The following C7 variants were observed in gnomAD, a reference collection of about 807,000 sequenced individuals.
The protein encoded by C7 is complement component C7.
C7 carries 83 observed loss-of-function variants against 104.8 expected under a neutral mutation model. The observed-to-expected ratio is 0.79, with a 90% CI of 0.66 to 0.95. The LOEUF is 0.95. Among genes scored for constraint, C7 ranks in the 40% least tolerant of loss-of-function variants. C7 has a pLI of 0.00. For synonymous variants in C7, 415 were observed against 360.6 expected (o/e 1.15, Z -1.71); for missense variants, 1,070 against 1,011.2 (o/e 1.06, Z -0.79).
At chr5:40,955,004 C>A in intron 9 of C7, 1 of 226,336 alleles carries the variant, frequency 4.4e-6, no homozygotes, top group South Asian at 6.2e-5. Flanking sequence ...CCTGTATATC[C>A]CCTGCTCCCA....
intron 1 of C7, among the ~76,000 whole-genome samples, chr5:40,926,178 T>A (rs1289771092): frequency 6.6e-6 from 1 of 152,232 alleles, no homozygotes; most frequent in Admixed American, 6.5e-5. Context: ...TCTTGTTAGA[T>A]GCAGAAAAAC....
At chr5:40,972,130 C>T (rs1180151240) in intron 14 of C7, 1 of 523,002 alleles carries the variant, frequency 1.9e-6, no homozygotes, top group Non-Finnish European at 3.5e-6. Flanking sequence ...CATTAGGACT[C>T]TATTGGGGTT....
chr5:40,979,595 CCTT>C, intron 16 of C7, 127 bp from the exon 17 acceptor site: 1 of 619,170 alleles, frequency 1.6e-6, no homozygotes, highest in Non-Finnish European at 2.6e-6. Flanking sequence ...TGAGTTTCCA[CCTT>C]TTTTTTTTTT....
intron 1 of C7, among the ~76,000 whole-genome samples, chr5:40,919,556 G>A (rs1325437234): frequency 6.6e-6 from 1 of 152,108 alleles, no homozygotes; most frequent in Non-Finnish European, 1.5e-5. Flanking sequence ...AAGTCCAGGA[G>A]TTCAAGGCTG....
intron 9 of C7, among the ~76,000 whole-genome samples, chr5:40,955,170 A>G (rs1579861851): frequency 6.6e-6 from 1 of 152,366 alleles, no homozygotes; most frequent in Non-Finnish European, 1.5e-5. Flanking sequence ...TGACAAATGT[A>G]TAACGACATG....
intron 15 of C7, among the ~76,000 whole-genome samples, chr5:40,975,457 G>A (rs35648492): frequency 0.21 from 30,842 of 149,904 alleles, 3,820 homozygotes; most frequent in South Asian, 0.4. Context: ...TCCACCACCC[G>A]GGCTCAAGCA....
At chr5:40,909,676 A>T in intron 1 of C7, 60 bp downstream of exon 1, 1 of 1,281,932 alleles carries the variant, frequency 7.8e-7, no homozygotes, top group Non-Finnish European at 1.1e-6. Context: ...GAACGGGGGT[A>T]ATATAAATGT....
chr5:40,950,348 C>T (rs941584915), intron 9 of C7, among the ~76,000 whole-genome samples: 16 of 152,160 alleles, frequency 1.1e-4, no homozygotes, highest in Non-Finnish European at 2.1e-4. Flanking sequence ...ATAATGGCTT[C>T]CAGCTCCATC....
chr5:40,974,202 A>G (rs1344909525), intron 15 of C7, among the ~76,000 whole-genome samples: 1 of 152,076 alleles, frequency 6.6e-6, no homozygotes, highest in African/African-American at 2.4e-5. Context: ...TTAAACATTA[A>G]TTCCTCACTT....
intron 1 of C7, among the ~76,000 whole-genome samples, chr5:40,917,505 A>C (rs986832294): frequency 6.6e-6 from 1 of 151,940 alleles, no homozygotes; most frequent in Non-Finnish European, 1.5e-5. Flanking sequence ...TCTTTACCAC[A>C]TTTTCTTTAT....
intron 1 of C7, among the ~76,000 whole-genome samples, chr5:40,923,902 T>C (rs948315132): frequency 6.6e-6 from 1 of 151,134 alleles, no homozygotes; most frequent in African/African-American, 2.4e-5. Flanking sequence ...ACCTCCAACA[T>C]GGGGATTACA....
intron 6 of C7, among the ~76,000 whole-genome samples, chr5:40,944,883 TG>T (rs1740012647): frequency 2.0e-5 from 3 of 152,248 alleles, no homozygotes; most frequent in Non-Finnish European, 4.4e-5. Flanking sequence ...TCTCTGTCAG[TG>T]TAGCTTTTGT....
chr5:40,945,787 C>T (rs1740032896), intron 7 of C7, among the ~76,000 whole-genome samples: 1 of 150,084 alleles, frequency 6.7e-6, no homozygotes, highest in African/African-American at 2.4e-5. Context: ...TCACTTGAGC[C>T]TTGGAGGGAG....
chr5:40,923,098 T>G (rs985873772), intron 1 of C7, among the ~76,000 whole-genome samples: 2 of 152,192 alleles, frequency 1.3e-5, no homozygotes, highest in African/African-American at 4.8e-5. Context: ...AGAATCAAAA[T>G]GTAAAGGGAA....
In C7 at chr5:40,981,571, T is replaced by C. The variant is rs913224825; in HGVS notation, c.2530T>C (p.Ter844GlnextTer18). 1 of 1,604,626 alleles carries C rather than the reference T, an allele frequency of 6.2e-7. No individual in the cohort carries two copies. The highest frequency in any genetic ancestry group is 8.5e-7 in the Non-Finnish European group (1 of 1,173,028). Residue 844 changes from the stop codon to glutamine, a stop_lost, in exon 18 of 18, where the codon TAG becomes CAG. Coordinates refer to ENST00000313164, the MANE Select transcript of C7 (RefSeq NM_000587.4). ...SIRPCAAETQ[*>Q] ...AAGGCCTTGTGCTGCGGAAACCCAGTAGGCTCCTGGAGGCCCTGGTCAGCT... is the reference window on the plus strand; with the variant it reads ...AAGGCCTTGTGCTGCGGAAACCCAGCAGGCTCCTGGAGGCCCTGGTCAGCT...
At position 40,947,665 on chromosome 5, in the gene C7, G is replaced by C. The variant is rs553084039; in HGVS notation, c.802G>C (p.Glu268Gln). ...GGCTCAGTTCATTAATAACAATCCAGAATTTTTACAACTTGCTGAGCCATT... is the reference window on the plus strand; with the variant it reads ...GGCTCAGTTCATTAATAACAATCCACAATTTTTACAACTTGCTGAGCCATT... ...EVAQFINNNP[E>Q]FLQLAEPFWK... The change falls in exon 8 of 18, where the codon GAA becomes CAA. Residue 268 changes from glutamate to glutamine, a missense_variant. Glu to Gln is a conservative substitution (Grantham distance 29). Coordinates refer to ENST00000313164, the MANE Select transcript of C7 (RefSeq NM_000587.4). 4.3e-6 allele frequency: 7 copies of C among 1,613,526 alleles called. No individual in the cohort carries two copies. The East Asian group carries it at 1.3e-4, about 31-fold the overall frequency.
chr5:40,947,061 T>C (rs1439714489), intron 7 of C7, among the ~76,000 whole-genome samples: 1 of 151,076 alleles, frequency 6.6e-6, no homozygotes, highest in African/African-American at 2.4e-5. Flanking sequence ...TGTCCAGATG[T>C]GGGAGGGGAT....
At chr5:40,972,740 G>T in intron 15 of C7, 146 bp downstream of exon 15, 1 of 473,188 alleles carries the variant, frequency 2.1e-6, no homozygotes, top group Non-Finnish European at 3.5e-6. Flanking sequence ...TGTAGACTGA[G>T]TAACAGATTT....
intron 10 of C7, among the ~76,000 whole-genome samples, chr5:40,956,857 T>C (rs1189207633): frequency 6.6e-6 from 1 of 152,256 alleles, no homozygotes; most frequent in Non-Finnish European, 1.5e-5. Flanking sequence ...AAATGGCCTG[T>C]ATTCATTGTC....
Sources: gnomAD v4.1 joint callset for allele counts (sites outside exome capture counted in the v4.1 genomes callset) on GRCh38, gnomAD v4.1.1 for gene constraint, MANE v1.5 for transcripts, NCBI Gene and HGNC (gene_info 2026-07-23, HGNC 2026-07-21) for gene names.